Variants in ZNF254 observed in about 807,000 individuals in gnomAD.
ZNF254 encodes the protein zinc finger protein 254, also known as CTD-2017D11.1.
In ZNF254, 10 loss-of-function variants were observed where a neutral mutation model predicts 12.4. The ratio of observed to expected loss-of-function variants is 0.80; its 90% CI spans 0.50 to 1.36. ZNF254 has a LOEUF of 1.36. ZNF254 is among the 40% of genes most tolerant of loss of function. The pLI is 0.00. For missense variants in ZNF254, 996 were observed against 763.9 expected (o/e 1.30, Z -3.58); for synonymous variants, 305 against 253.4 (o/e 1.20, Z -1.93).
chr19:24,127,230 A>T lies in ZNF254; in HGVS notation c.1230A>T (p.Glu410Asp), dbSNP rs61737180. 0.15 allele frequency: 242,768 copies of T among 1,613,038 alleles called. 18,705 individuals carry two copies. Among genetic ancestry groups the T allele is most frequent in the East Asian group, 0.16 (7,114 of 44,762 alleles). ...GAGAGAAACTCTACAAATGTGAAGAATGCGGCAAAGGTTTTAATCGATCTT... is the reference window on the plus strand; with the variant it reads ...GAGAGAAACTCTACAAATGTGAAGATTGCGGCAAAGGTTTTAATCGATCTT... ...HVGEKLYKCE[E>D]CGKGFNRSSN... The change falls in exon 4 of 4, where the codon GAA becomes GAT. Residue 410 changes from glutamate to aspartate, a missense_variant. Physicochemically the swap from Glu to Asp is conservative, Grantham distance 45. Coordinates refer to ENST00000357002, the MANE Select transcript of ZNF254 (RefSeq NM_203282.4).
chr19:24,090,364 T>G (rs1972300613), intron 1 of ZNF254, among the ~76,000 whole-genome samples: 2 of 152,276 alleles, frequency 1.3e-5, no homozygotes, highest in Admixed American at 1.3e-4. Context: ...CTCAAGTAAT[T>G]GGATGGCCTG....
intron 1 of ZNF254, among the ~76,000 whole-genome samples, chr19:24,095,617 G>T (rs1372358281): frequency 1.3e-5 from 2 of 152,026 alleles, no homozygotes; most frequent in African/African-American, 2.4e-5. Context: ...TTCTTGGAAG[G>T]ATGTATTTGT....
At chr19:24,109,845 C>T (rs1263213428) in intron 3 of ZNF254, among the ~76,000 whole-genome samples, 1 of 151,060 alleles carries the variant, frequency 6.6e-6, no homozygotes, top group Non-Finnish European at 1.5e-5. Context: ...CCTTAGCCTC[C>T]TGAGTAGCTG....
In ZNF254 at chr19:24,126,734, A is replaced by C. The variant is rs569526882; in HGVS notation, c.734A>C (p.Lys245Thr). 1 of 1,613,574 alleles carries C rather than the reference A, an allele frequency of 6.2e-7. No individual in the cohort carries two copies. The highest frequency in any genetic ancestry group is 1.1e-5 in the South Asian group (1 of 91,022). Residue 245 changes from lysine to threonine, a missense_variant, in exon 4 of 4, where the codon AAA (lysine) becomes ACA (threonine). Transcript: ENST00000357002. ...EKPYKCEEYN[K>T]SPKQLSTLTT... is the part of the protein sequence containing the mutation. Reference sequence around the variant, plus strand: ...CCTTACAAATGTGAAGAATATAACAAATCTCCTAAGCAACTCTCAACCCTT... The same window carrying C: ...CCTTACAAATGTGAAGAATATAACACATCTCCTAAGCAACTCTCAACCCTT...
chr19:24,122,300 G>C (rs1974535430), intron 3 of ZNF254, among the ~76,000 whole-genome samples: 2 of 151,820 alleles, frequency 1.3e-5, no homozygotes, highest in Admixed American at 1.3e-4. Flanking sequence ...TCTCAGCTCA[G>C]TGCAACCTCC....
chr19:24,103,256 T>G (rs1973135931), intron 1 of ZNF254, among the ~76,000 whole-genome samples: 1 of 152,238 alleles, frequency 6.6e-6, no homozygotes, highest in Non-Finnish European at 1.5e-5. Flanking sequence ...GGCTCTGTGC[T>G]GTACCTCATT....
rs564009314 is a variant in ZNF254 at position 24,106,836 on chromosome 19, T to C, written c.253+193T>C. ...GCCTATAAAATCTAAGAATTCTACTTTCCCTTCAATGATCTTCCTCCAAGT... is the reference window on the plus strand; with the variant it reads ...GCCTATAAAATCTAAGAATTCTACTCTCCCTTCAATGATCTTCCTCCAAGT... On this transcript the variant is annotated intron_variant, in intron 3 of 3. Coordinates refer to ENST00000357002, the MANE Select transcript of ZNF254 (RefSeq NM_203282.4). 1.2e-3 allele frequency: 538 copies of C among 434,088 alleles called. 8 individuals carry two copies. In the South Asian group the frequency reaches 0.015, roughly 12 times the overall value. The allele number at this position is 434,088 out of a possible 1,614,324, so 26.9% of individuals were successfully genotyped here.
At chr19:24,117,317 C>T (rs1371520539) in intron 3 of ZNF254, among the ~76,000 whole-genome samples, 1 of 152,180 alleles carries the variant, frequency 6.6e-6, no homozygotes, top group East Asian at 1.9e-4. Context: ...CAGAGGCAGG[C>T]AGGCCTCCTT....
chr19:24,040,177 C>A (rs1304110961), intron 1 of ZNF254, among the ~76,000 whole-genome samples: 4 of 152,134 alleles, frequency 2.6e-5, no homozygotes, highest in Admixed American at 6.5e-5. Flanking sequence ...CTGAAATCTC[C>A]CCTCACAGAA....
At chr19:24,113,019 T>G (rs1033317709) in intron 3 of ZNF254, among the ~76,000 whole-genome samples, 4 of 152,190 alleles carry the variant, frequency 2.6e-5, no homozygotes, top group Non-Finnish European at 4.4e-5. Flanking sequence ...TAAAAGGAGC[T>G]GAAATTGTGG....
At chr19:24,073,330 A>C (rs1335462686) in intron 2 of ZNF254, among the ~76,000 whole-genome samples, 1 of 152,234 alleles carries the variant, frequency 6.6e-6, no homozygotes, top group Non-Finnish European at 1.5e-5. Context: ...GCTCATAGGC[A>C]GGTGAAGAGT....
chr19:24,085,755 G>A (rs1405222978), upstream of ZNF254, among the ~76,000 whole-genome samples: 2 of 151,572 alleles, frequency 1.3e-5, no homozygotes, highest in Non-Finnish European at 2.9e-5. Context: ...CTGGGCGAAA[G>A]AGCAAGCCTC....
At chr19:24,034,785 CTT>C (rs57891281) in intron 1 of ZNF254, among the ~76,000 whole-genome samples, 11 of 141,598 alleles carry the variant, frequency 7.8e-5, no homozygotes, top group Middle Eastern at 3.5e-3. Context: ...CAAGAAGTTA[CTT>C]TTTTTTTTTT....
chr19:24,067,105 A>C (rs1481644830), intron 2 of ZNF254, among the ~76,000 whole-genome samples: 1 of 151,816 alleles, frequency 6.6e-6, no homozygotes, highest in Non-Finnish European at 1.5e-5. Context: ...CACCAAAGGG[A>C]TATATTTTTT....
At chr19:24,067,089 A>C (rs1389411786) in intron 2 of ZNF254, among the ~76,000 whole-genome samples, 1 of 152,054 alleles carries the variant, frequency 6.6e-6, no homozygotes, top group Non-Finnish European at 1.5e-5. Flanking sequence ...ATATTACTGA[A>C]CTAAGCACCA....
chr19:24,124,666 T>A (rs971246142), intron 3 of ZNF254, among the ~76,000 whole-genome samples: 1 of 152,164 alleles, frequency 6.6e-6, no homozygotes, highest in Admixed American at 6.5e-5. Flanking sequence ...ATTTTTGTCA[T>A]GACTACATCA....
At chr19:24,117,113 T>A (rs916599247) in intron 3 of ZNF254, among the ~76,000 whole-genome samples, 1 of 152,046 alleles carries the variant, frequency 6.6e-6, no homozygotes, top group East Asian at 1.9e-4. Flanking sequence ...TAGTGGGGGG[T>A]GCCTCCCAGT....
Position 24,127,872 on chromosome 19 carries a change from T to C in ZNF254, c.1872T>C (p.His624=). ...CCCTAACTAAACATAAGAGAATTCA[T>C]ACTGGAGAGCAACCCTACAAATGGG... ...SSTLTKHKRI[H]TGEQPYKWEK... The change falls in exon 4 of 4, where the codon CAT becomes CAC. Residue 624 remains histidine, a synonymous_variant. Transcript: ENST00000357002. The C allele has an allele frequency of 6.2e-7, 1 of 1,613,340 alleles. No individual in the cohort carries two copies. The highest frequency in any genetic ancestry group is 8.5e-7 in the Non-Finnish European group (1 of 1,179,704).
At chr19:24,065,779 C>G (rs1461521762) in intron 2 of ZNF254, 1 of 152,170 alleles carries the variant, frequency 6.6e-6, no homozygotes, top group Non-Finnish European at 1.5e-5. Context: ...ATGACTCTCC[C>G]AAATGTGCCT....
Sources: allele counts gnomAD v4.1 joint callset (sites outside exome capture counted in the v4.1 genomes callset), GRCh38; gene constraint gnomAD v4.1.1; transcripts MANE v1.5; gene names NCBI Gene and HGNC (gene_info 2026-07-23, HGNC 2026-07-21).